KCNJ13: variants seen among roughly 807,000 people sequenced by gnomAD.
The protein encoded by KCNJ13 is potassium inwardly rectifying channel subfamily J member 13.
KCNJ13 carries 9 observed loss-of-function variants against 24.6 expected under a neutral mutation model. The ratio of observed to expected loss-of-function variants is 0.37; its 90% CI spans 0.22 to 0.64. The LOEUF (loss-of-function observed/expected upper bound fraction) is 0.64. KCNJ13 is among the 30% of genes least tolerant of loss of function. The pLI is 0.64. For synonymous variants in KCNJ13, 148 were observed against 154.7 expected, an observed-to-expected ratio of 0.96 and a Z score of 0.32; for missense variants, 337 against 443.8, an observed-to-expected ratio of 0.76 and a Z score of 2.16.
rs1209330379 is a variant in KCNJ13 at position 232,769,257 on chromosome 2, A to G, written c.461-444T>C. ...AGAATGAGTGATATTTTGGCCAGGCATGGTGTCTCACGCCTGTAATCCCGG... is the reference window on the plus strand; with the variant it reads ...AGAATGAGTGATATTTTGGCCAGGCGTGGTGTCTCACGCCTGTAATCCCGG... On this transcript the variant is annotated intron_variant, in intron 2 of 2. Coordinates refer to ENST00000233826, the MANE Select transcript of KCNJ13 (RefSeq NM_002242.4). 2.6e-5 allele frequency among the ~76,000 whole-genome samples: 4 copies of G among 152,132 alleles called. No individual in the cohort carries two copies. In the South Asian group the frequency reaches 6.2e-4, roughly 24 times the overall value.
intron 2 of KCNJ13, among the ~76,000 whole-genome samples, chr2:232,769,582 C>T (rs542767162): frequency 6.7e-6 from 1 of 150,276 alleles, no homozygotes; most frequent in South Asian, 2.1e-4. Context: ...CTTTGAAACT[C>T]AGAAACCTTT....
Position 232,767,916 on chromosome 2 carries a change from C to A in KCNJ13, c.*275G>T. The A allele has an allele frequency of 2.4e-6, 1 of 419,400 alleles. No homozygotes were observed. The highest frequency in any genetic ancestry group is 5.1e-5 in the East Asian group (1 of 19,752). The allele number at this position is 419,400 out of a possible 1,614,324, so 26.0% of individuals were successfully genotyped here. A position where few individuals can be genotyped will look rare whatever the true frequency, so the allele number is the denominator to read the frequency against. ...TTTTGCCTTCATTACTAGTATCATA[C>A]CACATTCTTATAAATTCACCAGCAA... On this transcript the variant is annotated 3_prime_UTR_variant, in exon 3 of 3. Coordinates refer to ENST00000233826, the MANE Select transcript of KCNJ13 (RefSeq NM_002242.4).
Position 232,767,413 on chromosome 2 carries a change from C to T in KCNJ13, c.*778G>A, listed in dbSNP as rs1574854921. 1 of 152,450 alleles carries T rather than the reference C, an allele frequency of 6.6e-6. No homozygotes were observed. Among genetic ancestry groups the T allele is most frequent in the South Asian group, 2.1e-4 (1 of 4,824 alleles). 9.4% of individuals were successfully genotyped at this position (152,450 alleles called of 1,614,324 possible). ...TGTTTTTACTTAGGTTGCTAGAAGT[C>T]ATTTAGATGAATCACCGTTTGATTA... On this transcript the variant is annotated 3_prime_UTR_variant, in exon 3 of 3. Transcript: ENST00000233826.
chr2:232,774,339 T>G (rs1423406839), intron 1 of KCNJ13, among the ~76,000 whole-genome samples: 1 of 152,168 alleles, frequency 6.6e-6, no homozygotes, highest in African/African-American at 2.4e-5. Flanking sequence ...TTCAGACCTA[T>G]TATTTGTAGG....
chr2:232,773,143 C>T (rs1699338703), intron 1 of KCNJ13, among the ~76,000 whole-genome samples: 1 of 151,906 alleles, frequency 6.6e-6, no homozygotes, highest in Non-Finnish European at 1.5e-5. Flanking sequence ...AACTTATTAC[C>T]CTAACAAGTT....
intron 1 of KCNJ13, among the ~76,000 whole-genome samples, chr2:232,774,878 A>G (rs1370757974): frequency 6.6e-6 from 1 of 152,200 alleles, no homozygotes; most frequent in Non-Finnish European, 1.5e-5. Context: ...TATAGACTGT[A>G]GCTAACAAAA....
intron 2 of KCNJ13, among the ~76,000 whole-genome samples, chr2:232,769,421 C>T (rs1373981865): frequency 6.7e-6 from 1 of 149,570 alleles, no homozygotes; most frequent in Non-Finnish European, 1.5e-5. Context: ...ATCCCAGCTA[C>T]TCAGGAGGCT....
In KCNJ13 at chr2:232,767,836, G is replaced by A. The variant is rs1253502141; in HGVS notation, c.*355C>T. The A allele has an allele frequency of 3.8e-5, 10 of 266,556 alleles. No homozygotes were observed. Among genetic ancestry groups the A allele is most frequent in the Non-Finnish European group, 7.2e-5 (10 of 138,098 alleles). The allele number at this position is 266,556 out of a possible 1,614,324, so 16.5% of individuals were successfully genotyped here. On this transcript the variant is annotated 3_prime_UTR_variant, in exon 3 of 3. Coordinates refer to ENST00000233826, the MANE Select transcript of KCNJ13 (RefSeq NM_002242.4). ...GTTGCTTCAATTTGCAGATGAAAAT[G>A]AGAGATTAATGGTTGATTTTCTTAG...
chr2:232,768,291 G>A lies in KCNJ13; in HGVS notation c.983C>T (p.Pro328Leu). Residue 328 changes from proline to leucine, a missense_variant, in exon 3 of 3, where the codon CCT becomes CTT. By Grantham distance (98) the Pro-to-Leu change is moderately conservative (BLOSUM62 -3). Coordinates refer to ENST00000233826, the MANE Select transcript of KCNJ13 (RefSeq NM_002242.4). ...CCTGTTTGGGCTTTTAGAAACCAGA[G>A]GAGTTGGAAATTCAGGGACAGTCTT... is the stretch of plus-strand genomic sequence containing the variant. ...FDKTVPEFPTPLVSKSPNRTD... is the reference protein window; with the variant it reads ...FDKTVPEFPTLLVSKSPNRTD... 2 of 1,614,144 alleles carry A rather than the reference G, an allele frequency of 1.2e-6. No individual in the cohort carries two copies. Among genetic ancestry groups the A allele is most frequent in the Non-Finnish European group, 8.5e-7 (1 of 1,180,004 alleles).
chr2:232,771,504 C>T (rs1035812053), intron 1 of KCNJ13, 126 bp from the exon 2 acceptor site: 17 of 588,366 alleles, frequency 2.9e-5, no homozygotes, highest in African/African-American at 1.9e-4. Flanking sequence ...CCAACTCTCT[C>T]GCTTTTCTCT....
chr2:232,774,662 A>C (rs993272462), intron 1 of KCNJ13, among the ~76,000 whole-genome samples: 2 of 152,198 alleles, frequency 1.3e-5, no homozygotes, highest in Non-Finnish European at 1.5e-5. Flanking sequence ...GTCATTCTCC[A>C]CTGTTGTTGC....
At position 232,767,771 on chromosome 2, in the gene KCNJ13, G is replaced by A. The variant is rs1699035764; in HGVS notation, c.*420C>T. 4.5e-6 allele frequency: 1 copy of A among 223,110 alleles called. No homozygotes were observed. Among genetic ancestry groups the A allele is most frequent in the Non-Finnish European group, 9.0e-6 (1 of 111,426 alleles). The allele number at this position is 223,110 out of a possible 1,614,324, so 13.8% of individuals were successfully genotyped here. ...AAGGATATTCACTAAGTATAGTGAAGTCGTCATTCCACCCAGGGAGCTAGG... is the reference window on the plus strand; with the variant it reads ...AAGGATATTCACTAAGTATAGTGAAATCGTCATTCCACCCAGGGAGCTAGG... On this transcript the variant is annotated 3_prime_UTR_variant, in exon 3 of 3. Transcript: ENST00000233826.
chr2:232,767,988 A>T lies in KCNJ13; in HGVS notation c.*203T>A. The T allele has an allele frequency of 3.4e-6, 2 of 580,050 alleles. No homozygotes were observed. The highest frequency in any genetic ancestry group is 4.1e-5 in the South Asian group (2 of 49,232). 35.9% of individuals were successfully genotyped at this position (580,050 alleles called of 1,614,324 possible). On this transcript the variant is annotated 3_prime_UTR_variant, in exon 3 of 3. Transcript: ENST00000233826. ...CAAGTTGAGTTACATTGATTTCAGC[A>T]GGTAACAAACTTTGTAATGTAGAGT...
rs1699034370 is a variant in KCNJ13 at position 232,767,732 on chromosome 2, A to T, written c.*459T>A. 6.0e-6 allele frequency: 1 copy of T among 166,280 alleles called. No homozygotes were observed. Among genetic ancestry groups the T allele is most frequent in the Non-Finnish European group, 1.3e-5 (1 of 76,236 alleles). 10.3% of individuals were successfully genotyped at this position (166,280 alleles called of 1,614,324 possible). On this transcript the variant is annotated 3_prime_UTR_variant, in exon 3 of 3. Coordinates refer to ENST00000233826, the MANE Select transcript of KCNJ13 (RefSeq NM_002242.4). ...GAATGATCTTTGTTGTCTTGAAAAA[A>T]ATCCCAGCTCTTAAAGGATATTCAC... is the stretch of plus-strand genomic sequence containing the variant.
intron 1 of KCNJ13, among the ~76,000 whole-genome samples, chr2:232,773,898 T>C (rs1184384005): frequency 1.4e-5 from 2 of 142,600 alleles, no homozygotes; most frequent in Non-Finnish European, 3.0e-5. Flanking sequence ...GTAGTGAGAC[T>C]TTGTCTCTAT....
rs576770690 is a variant in KCNJ13, at chr2:232,767,618, T to A, written c.*573A>T. 5 of 159,378 alleles carry A rather than the reference T, an allele frequency of 3.1e-5. No individual in the cohort carries two copies. Among genetic ancestry groups the A allele is most frequent in the African/African-American group, 4.8e-5 (2 of 41,582 alleles). 9.9% of individuals were successfully genotyped at this position (159,378 alleles called of 1,614,324 possible). On this transcript the variant is annotated 3_prime_UTR_variant, in exon 3 of 3. Coordinates refer to ENST00000233826, the MANE Select transcript of KCNJ13 (RefSeq NM_002242.4). ...TTAGGTTTATGTATAAATCTGTACT[T>A]TGTTGTTTTTCTCGTTAATTTTTGT...
intron 2 of KCNJ13, among the ~76,000 whole-genome samples, chr2:232,769,580 C>T (rs1699144447): frequency 6.8e-6 from 1 of 147,360 alleles, no homozygotes; most frequent in African/African-American, 2.5e-5. Flanking sequence ...AACTTTGAAA[C>T]TCAGAAACCT....
Position 232,766,935 on chromosome 2 carries a change from A to G in KCNJ13, c.*1256T>C, listed in dbSNP as rs1340403429. The G allele has an allele frequency of 6.6e-6, 1 of 152,136 alleles. No homozygotes were observed. The highest frequency in any genetic ancestry group is 1.5e-5 in the Non-Finnish European group (1 of 68,002). 9.4% of individuals were successfully genotyped at this position (152,136 alleles called of 1,614,324 possible). ...AATCTGTTTGAAACCTGATAGGGTGACTTTTTTGGTTTTTGTTTTGTTTTA... is the reference window on the plus strand; with the variant it reads ...AATCTGTTTGAAACCTGATAGGGTGGCTTTTTTGGTTTTTGTTTTGTTTTA... On this transcript the variant is annotated 3_prime_UTR_variant, in exon 3 of 3. Coordinates refer to ENST00000233826, the MANE Select transcript of KCNJ13 (RefSeq NM_002242.4).
chr2:232,770,541 T>C (rs932077270), intron 2 of KCNJ13, among the ~76,000 whole-genome samples: 1 of 152,160 alleles, frequency 6.6e-6, no homozygotes, highest in African/African-American at 2.4e-5. Context: ...AGGTATTGAA[T>C]GTATTTATTT....
Sources: gnomAD v4.1 joint callset for allele counts (sites outside exome capture counted in the v4.1 genomes callset) on GRCh38, gnomAD v4.1.1 for gene constraint, MANE v1.5 for transcripts, NCBI Gene and HGNC (gene_info 2026-07-23, HGNC 2026-07-21) for gene names.